Variants in GALK2 observed in about 807,000 individuals in gnomAD.
GALK2 encodes the protein galactokinase 2.
A neutral mutation model predicts 52.4 loss-of-function variants in GALK2; 36 were observed. The ratio of observed to expected loss-of-function variants is 0.69; its 90% CI spans 0.53 to 0.91. The LOEUF (loss-of-function observed/expected upper bound fraction) is 0.91. GALK2 is among the 40% of genes least tolerant of loss of function. The probability of loss-of-function intolerance (pLI) is 0.00; values close to 1 mark genes in which losing one functional copy is unlikely to be tolerated. For synonymous variants in GALK2, 176 were observed against 199.1 expected (o/e 0.88, Z 0.98); for missense variants, 579 against 559.1 (o/e 1.04, Z -0.36).
chr15:49,212,740 A>G (rs975082947), intron 2 of GALK2, among the ~76,000 whole-genome samples: 4 of 152,022 alleles, frequency 2.6e-5, no homozygotes, highest in African/African-American at 9.7e-5. Flanking sequence ...AAAATTTCTT[A>G]ATTTTTTCAT....
chr15:49,347,603 C>G (rs2041690046), intron 3 of GALK2, among the ~76,000 whole-genome samples: 1 of 152,068 alleles, frequency 6.6e-6, no homozygotes, highest in South Asian at 2.1e-4. Flanking sequence ...TATCTAGGTG[C>G]AGTTGAGTTA....
intron 3 of GALK2, among the ~76,000 whole-genome samples, chr15:49,340,418 C>G (rs1009470772): frequency 2.1e-5 from 3 of 143,732 alleles, no homozygotes; most frequent in Non-Finnish European, 1.5e-5. Flanking sequence ...CCCCCTCCCC[C>G]CCCCGCTTTG....
At chr15:49,312,098 C>A (rs986512868) in intron 8 of GALK2, among the ~76,000 whole-genome samples, 2 of 152,216 alleles carry the variant, frequency 1.3e-5, no homozygotes, top group African/African-American at 4.8e-5. Flanking sequence ...ATCTCAAGCT[C>A]TACTCTCAGG....
intron 2 of GALK2, among the ~76,000 whole-genome samples, chr15:49,209,134 G>A (rs1053399363): frequency 6.6e-5 from 10 of 152,270 alleles, no homozygotes; most frequent in African/African-American, 2.4e-4. Context: ...TTTAAGTGGA[G>A]CATTTGGGCC....
chr15:49,316,200 T>G (rs1205651250), intron 8 of GALK2, among the ~76,000 whole-genome samples: 4 of 152,156 alleles, frequency 2.6e-5, no homozygotes, highest in Non-Finnish European at 5.9e-5. Flanking sequence ...TGTAAACTGG[T>G]GGACAATTGG....
intron 5 of GALK2, among the ~76,000 whole-genome samples, chr15:49,249,119 G>A (rs916067479): frequency 6.6e-6 from 1 of 152,216 alleles, no homozygotes. Flanking sequence ...TATGTGCATA[G>A]CCTTTACCTA....
chr15:49,351,370 C>A (rs893087691), intron 3 of GALK2, among the ~76,000 whole-genome samples: 1 of 152,158 alleles, frequency 6.6e-6, no homozygotes, highest in Admixed American at 6.5e-5. Context: ...ACGGCCAATT[C>A]CGCCCAAACT....
intron 8 of GALK2, among the ~76,000 whole-genome samples, chr15:49,316,348 T>C (rs2036406962): frequency 6.6e-6 from 1 of 151,708 alleles, no homozygotes; most frequent in South Asian, 2.1e-4. Context: ...AAATGAAACC[T>C]GAAACTTTAA....
chr15:49,170,798 A>G (rs2085025612), intron 1 of GALK2, among the ~76,000 whole-genome samples: 2 of 152,124 alleles, frequency 1.3e-5, no homozygotes, highest in South Asian at 4.1e-4. Context: ...CCTCTTTAAA[A>G]CAAAACAAAA....
intron 5 of GALK2, among the ~76,000 whole-genome samples, chr15:49,278,949 C>T (rs935055354): frequency 2.0e-5 from 3 of 152,166 alleles, no homozygotes; most frequent in African/African-American, 4.8e-5. Context: ...CTTCACAGGG[C>T]GGCAGGGCGG....
chr15:49,272,431 A>T (rs74334433), intron 5 of GALK2, among the ~76,000 whole-genome samples: 2,622 of 152,292 alleles, frequency 0.017, 94 homozygotes, highest in African/African-American at 0.06. Flanking sequence ...TTTAATATGC[A>T]TGCAGATCAC....
intron 1 of GALK2, among the ~76,000 whole-genome samples, chr15:49,162,225 A>G (rs1372116633): frequency 6.6e-6 from 1 of 152,212 alleles, no homozygotes; most frequent in Non-Finnish European, 1.5e-5. Context: ...ATTTTATATA[A>G]ATGGAATCAT....
chr15:49,252,188 C>T (rs2091633402), intron 5 of GALK2, among the ~76,000 whole-genome samples: 1 of 152,130 alleles, frequency 6.6e-6, no homozygotes, highest in Admixed American at 6.6e-5. Flanking sequence ...ATTGCTTGAA[C>T]CCGGGAGGCA....
At position 49,329,106 on chromosome 15, in the gene GALK2, C is replaced by A; in HGVS notation, c.*947C>A. The A allele has an allele frequency of 1.0e-6, 1 of 994,080 alleles. No homozygotes were observed. Among genetic ancestry groups the A allele is most frequent in the Non-Finnish European group, 1.2e-6 (1 of 834,976 alleles). 61.6% of individuals were successfully genotyped at this position (994,080 alleles called of 1,614,324 possible). ...ACACATTCCTTATATCCCTTTTTTG[C>A]TTGTCTAGCAAAGCTTGTTTGTATA... On this transcript the variant is annotated 3_prime_UTR_variant, in exon 10 of 10. Coordinates refer to ENST00000560031, the MANE Select transcript of GALK2 (RefSeq NM_002044.4).
At chr15:49,223,035 T>G (rs1258020546) in intron 3 of GALK2, 1 of 152,232 alleles carries the variant, frequency 6.6e-6, no homozygotes. Flanking sequence ...GTTGGAAGCC[T>G]TTTCATTTTA....
chr15:49,278,296 A>G (rs919757641), intron 5 of GALK2, among the ~76,000 whole-genome samples: 1 of 152,140 alleles, frequency 6.6e-6, no homozygotes, highest in African/African-American at 2.4e-5. Flanking sequence ...ACAATTGGAC[A>G]TATATTTTCC....
At chr15:49,267,837 T>A (rs1476184820) in intron 5 of GALK2, among the ~76,000 whole-genome samples, 1 of 152,206 alleles carries the variant, frequency 6.6e-6, no homozygotes, top group Non-Finnish European at 1.5e-5. Flanking sequence ...TAATGAATTT[T>A]CTAGATTTTT....
intron 5 of GALK2, among the ~76,000 whole-genome samples, chr15:49,260,856 T>A (rs919250724): frequency 4.6e-5 from 7 of 152,192 alleles, no homozygotes; most frequent in Non-Finnish European, 7.4e-5. Context: ...TTCTCAGGTT[T>A]GTCAAATATC....
intron 2 of GALK2, among the ~76,000 whole-genome samples, chr15:49,209,626 A>G: frequency 6.6e-6 from 1 of 152,088 alleles, no homozygotes; most frequent in Non-Finnish European, 1.5e-5. Context: ...TTGATGTGAT[A>G]TATCGTATTT....
Sources: allele counts gnomAD v4.1 joint callset (sites outside exome capture counted in the v4.1 genomes callset), GRCh38; gene constraint gnomAD v4.1.1; transcripts MANE v1.5; gene names NCBI Gene and HGNC (gene_info 2026-07-23, HGNC 2026-07-21).